The following LYPD6B variants were observed in gnomAD, a reference collection of about 807,000 sequenced individuals.
LYPD6B encodes LY6/PLAUR domain containing 6B.
A neutral mutation model predicts 22.8 loss-of-function variants in LYPD6B; 17 were observed. The ratio of observed to expected loss-of-function variants is 0.75; its 90% CI spans 0.51 to 1.12. The LOEUF is 1.12. LYPD6B is among the 50% of genes most tolerant of loss of function. LYPD6B has a pLI of 0.00. For synonymous variants in LYPD6B, 106 were observed against 91.6 expected, an observed-to-expected ratio of 1.16 and a Z score of -0.90; for missense variants, 221 against 258.3, an observed-to-expected ratio of 0.86 and a Z score of 0.99.
At chr2:149,213,582 A>T (rs1312418188) in intron 6 of LYPD6B, among the ~76,000 whole-genome samples, 1 of 152,228 alleles carries the variant, frequency 6.6e-6, no homozygotes, top group Non-Finnish European at 1.5e-5. Context: ...TCACTCCTTT[A>T]TATGCCTGGA....
Position 149,108,027 on chromosome 2 carries a change from C to T in LYPD6B, c.-66-22856C>T, listed in dbSNP as rs188683531. Among the ~76,000 whole-genome samples, 690 of 152,278 alleles carry T rather than the reference C, an allele frequency of 4.5e-3. 4 individuals are homozygous for T. Among genetic ancestry groups the T allele is most frequent in the Non-Finnish European group, 7.5e-3 (507 of 68,016 alleles). On this transcript the variant is annotated intron_variant, in intron 1 of 6. Coordinates refer to ENST00000409642, the MANE Select transcript of LYPD6B (RefSeq NM_177964.5). ...TTTGGCTGTGTCCCCACCCACATCTCACCTTGAATTCCCATGTGTTGTGAG... is the reference window on the plus strand; with the variant it reads ...TTTGGCTGTGTCCCCACCCACATCTTACCTTGAATTCCCATGTGTTGTGAG...
At chr2:149,098,645 A>G (rs994685440) in intron 1 of LYPD6B, among the ~76,000 whole-genome samples, 10 of 151,032 alleles carry the variant, frequency 6.6e-5, no homozygotes, top group South Asian at 4.2e-4. Flanking sequence ...AAAAAAAAAA[A>G]AAAAGAAAAA....
intron 1 of LYPD6B, among the ~76,000 whole-genome samples, chr2:149,084,292 T>G (rs1451479698): frequency 3.3e-5 from 5 of 152,212 alleles, no homozygotes; most frequent in Admixed American, 3.3e-4. Context: ...ATTCTTTCAC[T>G]CCTTCTACCT....
intron 1 of LYPD6B, among the ~76,000 whole-genome samples, chr2:149,045,694 G>T (rs1574865402): frequency 6.6e-6 from 1 of 152,060 alleles, no homozygotes; most frequent in Non-Finnish European, 1.5e-5. Flanking sequence ...GATATTTGGG[G>T]ATTTTCTAGA....
chr2:149,203,734 G>T (rs1025668329), intron 3 of LYPD6B, among the ~76,000 whole-genome samples: 2 of 152,154 alleles, frequency 1.3e-5, no homozygotes, highest in African/African-American at 4.8e-5. Flanking sequence ...TTATAACTCT[G>T]CTGTTGTTTT....
intron 1 of LYPD6B, among the ~76,000 whole-genome samples, chr2:149,065,354 C>A (rs1684272626): frequency 6.6e-6 from 1 of 152,200 alleles, no homozygotes; most frequent in Non-Finnish European, 1.5e-5. Context: ...GCTCGTTAGT[C>A]CTGGAATCAT....
chr2:149,052,600 C>G (rs944161247), intron 1 of LYPD6B, among the ~76,000 whole-genome samples: 1 of 152,158 alleles, frequency 6.6e-6, no homozygotes, highest in Non-Finnish European at 1.5e-5. Flanking sequence ...GGGCTACTCC[C>G]TATTCCCCAC....
chr2:149,075,358 G>A (rs894720192), intron 1 of LYPD6B, among the ~76,000 whole-genome samples: 1 of 150,816 alleles, frequency 6.6e-6, no homozygotes, highest in Non-Finnish European at 1.5e-5. Flanking sequence ...TTTCTATTTA[G>A]ATGGGTCTAT....
chr2:149,176,267 C>T (rs192306628), intron 3 of LYPD6B, among the ~76,000 whole-genome samples: 22 of 152,194 alleles, frequency 1.4e-4, no homozygotes, highest in Middle Eastern at 3.4e-3. Context: ...CATCATTATG[C>T]GGCATGTGAC....
chr2:149,154,642 T>C (rs1039213482), intron 2 of LYPD6B, among the ~76,000 whole-genome samples: 7 of 151,302 alleles, frequency 4.6e-5, no homozygotes, highest in Admixed American at 6.6e-5. Context: ...GAGAATATCC[T>C]GTTGCTGATG....
chr2:149,042,723 T>TA (rs992757935), intron 1 of LYPD6B, among the ~76,000 whole-genome samples: 5 of 151,948 alleles, frequency 3.3e-5, no homozygotes, highest in East Asian at 1.9e-4. Flanking sequence ...AGTACAGAAA[T>TA]AAAAAATAAA....
chr2:149,058,187 C>T (rs907322988), intron 1 of LYPD6B, among the ~76,000 whole-genome samples: 2 of 152,176 alleles, frequency 1.3e-5, no homozygotes, highest in African/African-American at 2.4e-5. Context: ...GGACTAAATG[C>T]GTGATTTTCC....
chr2:149,046,072 T>C (rs1031216951), intron 1 of LYPD6B, among the ~76,000 whole-genome samples: 3 of 152,198 alleles, frequency 2.0e-5, no homozygotes, highest in African/African-American at 4.8e-5. Flanking sequence ...CTCTATGTTG[T>C]TAAGTGCATA....
intron 1 of LYPD6B, among the ~76,000 whole-genome samples, chr2:149,086,063 A>G (rs996777565): frequency 6.6e-6 from 1 of 152,216 alleles, no homozygotes; most frequent in Non-Finnish European, 1.5e-5. Flanking sequence ...TTTTCAATGC[A>G]TGGATGCACT....
At chr2:149,079,420 T>A (rs1429642915) in intron 1 of LYPD6B, among the ~76,000 whole-genome samples, 4 of 152,208 alleles carry the variant, frequency 2.6e-5, no homozygotes, top group Non-Finnish European at 5.9e-5. Flanking sequence ...CTAACATTGA[T>A]CACTTTTAGA....
At chr2:149,139,631 G>T (rs1688567146) in intron 2 of LYPD6B, among the ~76,000 whole-genome samples, 1 of 152,140 alleles carries the variant, frequency 6.6e-6, no homozygotes, top group Admixed American at 6.5e-5. Context: ...AATGGGGAAA[G>T]TTTAAGTATT....
intron 3 of LYPD6B, among the ~76,000 whole-genome samples, chr2:149,199,445 C>A (rs1268340731): frequency 6.6e-6 from 1 of 152,196 alleles, no homozygotes; most frequent in Non-Finnish European, 1.5e-5. Context: ...TTTGAGCGCA[C>A]AAGGACGGTG....
At chr2:149,066,616 C>T (rs1463397518) in intron 1 of LYPD6B, among the ~76,000 whole-genome samples, 1 of 151,976 alleles carries the variant, frequency 6.6e-6, no homozygotes, top group African/African-American at 2.4e-5. Context: ...ATGCCATATA[C>T]ATAACAGTTG....
intron 2 of LYPD6B, among the ~76,000 whole-genome samples, chr2:149,155,691 CA>C (rs1420041837): frequency 6.6e-6 from 1 of 152,200 alleles, no homozygotes; most frequent in African/African-American, 2.4e-5. Context: ...TGCCTCCCAA[CA>C]GTCCATTTTA....
Sources: allele counts gnomAD v4.1 joint callset (sites outside exome capture counted in the v4.1 genomes callset), GRCh38; gene constraint gnomAD v4.1.1; transcripts MANE v1.5; gene names NCBI Gene and HGNC (gene_info 2026-07-23, HGNC 2026-07-21).